The following FGGY variants were observed in gnomAD, a reference collection of about 807,000 sequenced individuals.
The protein encoded by FGGY is FGGY carbohydrate kinase domain containing, also known as FGGY carbohydrate kinase domain-containing protein.
FGGY carries 72 observed loss-of-function variants against 71.3 expected under a neutral mutation model. That is an observed-to-expected ratio of 1.01 (90% CI 0.84 to 1.23). The LOEUF (loss-of-function observed/expected upper bound fraction) is 1.23. Among genes scored for constraint, FGGY ranks in the 50% most tolerant of loss-of-function variants. FGGY has a pLI of 0.00. For missense variants in FGGY, 668 were observed against 682.3 expected, an observed-to-expected ratio of 0.98 and a Z score of 0.23; for synonymous variants, 251 against 250.3, an observed-to-expected ratio of 1.00 and a Z score of -0.02.
chr1:59,652,228 G>A (rs1189093611), intron 11 of FGGY, among the ~76,000 whole-genome samples: 2 of 147,940 alleles, frequency 1.4e-5, no homozygotes, highest in South Asian at 2.2e-4. Context: ...ACAATTATGT[G>A]TCTTGGAGTT....
rs537273840 is a variant in FGGY at position 59,554,487 on chromosome 1, C to G, written c.903+260C>G. 2.0e-5 allele frequency among the ~76,000 whole-genome samples: 3 copies of G among 152,238 alleles called. No individual in the cohort carries two copies. The South Asian group carries it at 6.2e-4, about 32-fold the overall frequency. On this transcript the variant is annotated intron_variant, in intron 8 of 15. Transcript: ENST00000303721. ...TTTGACGTCACCCTGGCCAGAGAGC[C>G]CAGGCATGAATGGTGACATCTGATC...
chr1:59,335,569 T>C (rs2049324447), intron 2 of FGGY, among the ~76,000 whole-genome samples: 1 of 152,224 alleles, frequency 6.6e-6, no homozygotes, highest in Non-Finnish European at 1.5e-5. Flanking sequence ...TTTGGTTTGT[T>C]AATATTTTGT....
intron 6 of FGGY, among the ~76,000 whole-genome samples, chr1:59,457,640 G>C (rs77215609): frequency 0.029 from 4,478 of 152,168 alleles, 206 homozygotes; most frequent in African/African-American, 0.1. Flanking sequence ...AAATGGGCTA[G>C]ACTGAGGAAG....
chr1:59,550,857 G>A (rs750164176), intron 7 of FGGY, among the ~76,000 whole-genome samples: 3 of 152,160 alleles, frequency 2.0e-5, no homozygotes, highest in Non-Finnish European at 4.4e-5. Flanking sequence ...TCAAATCCTG[G>A]CACTGCTTCT....
intron 2 of FGGY, among the ~76,000 whole-genome samples, chr1:59,322,501 T>A (rs1335459357): frequency 1.3e-5 from 2 of 152,042 alleles, no homozygotes. Flanking sequence ...TACCTTTGCC[T>A]CCGAGGTGCA....
chr1:59,603,948 A>G (rs540511568), intron 8 of FGGY, among the ~76,000 whole-genome samples: 8 of 152,332 alleles, frequency 5.3e-5, no homozygotes, highest in African/African-American at 1.7e-4. Flanking sequence ...AGTTTTTGTA[A>G]CACTGGGCAT....
At chr1:59,296,599 G>A (rs1406271229), upstream of FGGY, 1 of 152,442 alleles carries the variant, frequency 6.6e-6, no homozygotes, top group Non-Finnish European at 1.5e-5. Context: ...GGGTGGGCAG[G>A]CGACGGCCAA....
At chr1:59,437,075 T>C (rs566886068) in intron 5 of FGGY, among the ~76,000 whole-genome samples, 1 of 152,372 alleles carries the variant, frequency 6.6e-6, no homozygotes, top group South Asian at 2.1e-4. Flanking sequence ...GAGACTTTGC[T>C]CTTCCTTATC....
At chr1:59,461,239 G>A (rs2092182713) in intron 6 of FGGY, among the ~76,000 whole-genome samples, 1 of 152,160 alleles carries the variant, frequency 6.6e-6, no homozygotes, top group Non-Finnish European at 1.5e-5. Flanking sequence ...ACCTGATGGA[G>A]CTGAAAACCA....
intron 7 of FGGY, among the ~76,000 whole-genome samples, chr1:59,520,228 A>G (rs977869150): frequency 6.6e-6 from 1 of 152,246 alleles, no homozygotes; most frequent in Admixed American, 6.5e-5. Flanking sequence ...TTGCTGATAC[A>G]TTAGTACTTT....
In FGGY at chr1:59,376,246, GA is replaced by G. The variant is rs1369915791; in HGVS notation, c.466-2501del. 3.3e-5 allele frequency among the ~76,000 whole-genome samples: 5 copies of G among 152,172 alleles called. No homozygotes were observed. In the South Asian group the frequency reaches 6.2e-4, roughly 19 times the overall value. On this transcript the variant is annotated intron_variant, in intron 4 of 15. Transcript: ENST00000303721. ...TGCTTGATTTAACATTAACATCTTA[GA>G]ATGGGCGTTCAAAGAGAAGTTTAGG...
intron 11 of FGGY, among the ~76,000 whole-genome samples, chr1:59,649,260 A>C (rs1456733363): frequency 6.3e-4 from 92 of 145,584 alleles, no homozygotes; most frequent in African/African-American, 2.1e-3. Flanking sequence ...TATGAACTTT[A>C]AAGTAGTTTT....
chr1:59,372,287 G>A (rs1012069934), intron 4 of FGGY, among the ~76,000 whole-genome samples: 31 of 152,104 alleles, frequency 2.0e-4, no homozygotes, highest in Admixed American at 1.3e-3. Context: ...ACACCTCTAC[G>A]CAAATAAACT....
intron 6 of FGGY, among the ~76,000 whole-genome samples, chr1:59,465,676 A>G (rs1331277386): frequency 1.3e-5 from 2 of 152,252 alleles, no homozygotes; most frequent in East Asian, 1.9e-4. Flanking sequence ...TACAAAGTCA[A>G]TGTGCAAAAA....
intron 8 of FGGY, among the ~76,000 whole-genome samples, chr1:59,568,857 A>C (rs563755467): frequency 1.3e-5 from 2 of 152,196 alleles, no homozygotes; most frequent in Non-Finnish European, 2.9e-5. Flanking sequence ...TAGTCAACAC[A>C]TAGTTTATAA....
rs561296388 is a variant in FGGY at position 59,759,505 on chromosome 1, A to T, written c.1574+1513A>T. On this transcript the variant is annotated intron_variant, in intron 15 of 15. Coordinates refer to ENST00000303721, the MANE Select transcript of FGGY (RefSeq NM_018291.5). ...TCTCCATCTCTTCCCTGACCCTCCCAAGACTTTTCAGGGAAGTTTTTAAGT... is the reference window on the plus strand; with the variant it reads ...TCTCCATCTCTTCCCTGACCCTCCCTAGACTTTTCAGGGAAGTTTTTAAGT... Among the ~76,000 whole-genome samples, 6 of 152,318 alleles carry T rather than the reference A, an allele frequency of 3.9e-5. No individual in the cohort carries two copies. In the South Asian group the frequency reaches 1.2e-3, roughly 32 times the overall value.
intron 14 of FGGY, among the ~76,000 whole-genome samples, chr1:59,748,279 T>C (rs1385187835): frequency 1.3e-5 from 2 of 151,904 alleles, no homozygotes; most frequent in Non-Finnish European, 2.9e-5. Context: ...AAAAATATAA[T>C]TTCAGATGAT....
In FGGY at chr1:59,403,390, A is replaced by G. The variant is rs185888885; in HGVS notation, c.554+24553A>G. On this transcript the variant is annotated intron_variant, in intron 5 of 15. Coordinates refer to ENST00000303721, the MANE Select transcript of FGGY (RefSeq NM_018291.5). ...AAGTCCGGCTGTGTGCCCTGCCTTT[A>G]GGGGACACTGAGCAGAAAGCAGACT... is the stretch of plus-strand genomic sequence containing the variant. 3.3e-3 allele frequency among the ~76,000 whole-genome samples: 509 copies of G among 152,172 alleles called. 1 individual carries two copies. The highest frequency in any genetic ancestry group is 0.011 in the African/African-American group (476 of 41,522).
intron 14 of FGGY, among the ~76,000 whole-genome samples, chr1:59,735,908 C>A (rs761797642): frequency 6.6e-6 from 1 of 152,188 alleles, no homozygotes; most frequent in Non-Finnish European, 1.5e-5. Context: ...AAAACACACA[C>A]CCTGGGACCT....
Sources: allele counts gnomAD v4.1 joint callset (sites outside exome capture counted in the v4.1 genomes callset), GRCh38; gene constraint gnomAD v4.1.1; transcripts MANE v1.5; gene names NCBI Gene and HGNC (gene_info 2026-07-23, HGNC 2026-07-21).